The following SFI1 variants were observed in gnomAD, a reference collection of about 807,000 sequenced individuals.
SFI1 encodes protein SFI1 homolog.
In SFI1, 195 loss-of-function variants were observed where a neutral mutation model predicts 207.5. That is an observed-to-expected ratio of 0.94 (90% CI 0.84 to 1.06). The LOEUF is 1.06. SFI1 is among the 50% of genes least tolerant of loss of function. The pLI is 0.00. For synonymous variants in SFI1, 630 were observed against 598.9 expected (o/e 1.05, Z -0.76); for missense variants, 1,634 against 1,588.0 (o/e 1.03, Z -0.49).
At chr22:31,582,236 ATTTTTTTTTT>A (rs1161846940) in intron 12 of SFI1, among the ~76,000 whole-genome samples, 18 of 10,128 alleles carry the variant, frequency 1.8e-3, no homozygotes, top group African/African-American at 5.3e-3. Flanking sequence ...ATATATATAT[ATTTTTTTTTT>A]TTTTTTTTTT....
intron 5 of SFI1, among the ~76,000 whole-genome samples, chr22:31,549,816 T>C (rs559264544): frequency 6.6e-6 from 1 of 152,108 alleles, no homozygotes; most frequent in African/African-American, 2.4e-5. Flanking sequence ...ATTTTAGCTT[T>C]GGTGCAGATA....
At chr22:31,613,296 G>A in intron 25 of SFI1, 58 bp from the exon 26 acceptor site, 20 of 1,606,298 alleles carry the variant, frequency 1.2e-5, no homozygotes, top group Non-Finnish European at 1.6e-5. Flanking sequence ...AGGGCACCTG[G>A]TCTGTGGGGG....
chr22:31,607,849 C>A, intron 21 of SFI1, 88 bp from the exon 22 acceptor site: 1 of 1,191,944 alleles, frequency 8.4e-7, no homozygotes, highest in Non-Finnish European at 1.2e-6. Context: ...TTGGCCTTGC[C>A]TCTCCAGGAG....
chr22:31,584,058 T>C (rs2064699233), intron 13 of SFI1, 86 bp downstream of exon 13: 1 of 1,101,890 alleles, frequency 9.1e-7, no homozygotes, highest in African/African-American at 1.5e-5. Context: ...TGCCCTTCTA[T>C]GCGTTAGTGT....
intron 12 of SFI1, among the ~76,000 whole-genome samples, chr22:31,581,031 G>C (rs1272435319): frequency 6.6e-6 from 1 of 151,712 alleles, no homozygotes; most frequent in African/African-American, 2.4e-5. Context: ...TTAGAGGCAG[G>C]GTCTTGTTCT....
chr22:31,522,919 G>T (rs1211974575), intron 2 of SFI1, among the ~76,000 whole-genome samples: 1 of 152,180 alleles, frequency 6.6e-6, no homozygotes, highest in Non-Finnish European at 1.5e-5. Context: ...CTCCCAAAGT[G>T]CTGGGATTAC....
At chr22:31,605,496 C>T (rs1279139741) in intron 20 of SFI1, 2 of 152,784 alleles carry the variant, frequency 1.3e-5, no homozygotes, top group African/African-American at 4.8e-5. Flanking sequence ...CCTTTCATTT[C>T]CTTCCTTTGT....
At chr22:31,584,503 C>T (rs976025673) in intron 13 of SFI1, among the ~76,000 whole-genome samples, 3 of 152,152 alleles carry the variant, frequency 2.0e-5, no homozygotes, top group East Asian at 3.8e-4. Context: ...GGAAGCACTA[C>T]GTATAAACTT....
At chr22:31,534,160 T>C (rs894776311) in intron 4 of SFI1, among the ~76,000 whole-genome samples, 5 of 152,124 alleles carry the variant, frequency 3.3e-5, no homozygotes, top group Non-Finnish European at 7.4e-5. Context: ...GCTCTGTCGC[T>C]CAGGCTGCAG....
At chr22:31,576,751 G>A (rs9619209) in intron 10 of SFI1, among the ~76,000 whole-genome samples, 1,939 of 148,410 alleles carry the variant, frequency 0.013, 41 homozygotes, top group African/African-American at 0.044. Context: ...GCGATTCTCC[G>A]GCCTCAGCCC....
rs761442150 is a variant in SFI1 at position 31,585,121 on chromosome 22, GGCGGTACAA to G, written c.1403_1411del (p.Arg468_Lys470del). On this transcript the variant is annotated inframe_deletion, in exon 14 of 33. Coordinates refer to ENST00000400288, the MANE Select transcript of SFI1 (RefSeq NM_001007467.3). ...TTGTGGCTACAGTATACTCAGAAGAGGCGGTACAAGCAGGTATGGAGTACTTTTTAGCAG... is the reference window on the plus strand; with the variant it reads ...TTGTGGCTACAGTATACTCAGAAGAGGCAGGTATGGAGTACTTTTTAGCAG... The G allele has an allele frequency of 4.3e-6, 7 of 1,613,894 alleles. No homozygotes were observed. Among genetic ancestry groups the G allele is most frequent in the Non-Finnish European group, 5.9e-6 (7 of 1,179,928 alleles).
intron 11 of SFI1, among the ~76,000 whole-genome samples, chr22:31,579,566 CG>C (rs1176683292): frequency 6.6e-6 from 1 of 152,176 alleles, no homozygotes; most frequent in Non-Finnish European, 1.5e-5. Context: ...CCGCCCGCCT[CG>C]GCCTCCCAAA....
intron 6 of SFI1, 52 bp downstream of exon 6, chr22:31,550,400 A>G (rs1569284759): frequency 2.1e-6 from 3 of 1,428,190 alleles, no homozygotes; most frequent in Non-Finnish European, 2.0e-6. Flanking sequence ...TACTTTGCAG[A>G]AGGTCATAGG....
chr22:31,615,120 G>C lies in SFI1; in HGVS notation c.3141G>C (p.Leu1047=), dbSNP rs1211163117. Reference sequence around the variant, plus strand: ...CCCCCTCCCTGACGCGGCCCTTCCTGGCAGAGGCCCCGACAGCACTGGTCC... The same window carrying C: ...CCCCCTCCCTGACGCGGCCCTTCCTCGCAGAGGCCCCGACAGCACTGGTCC... ...PAAPSLTRPF[L]AEAPTALVPH... The change falls in exon 29 of 33, where the codon CTG becomes CTC. Residue 1047 remains leucine (L), a synonymous_variant. Coordinates refer to ENST00000400288, the MANE Select transcript of SFI1 (RefSeq NM_001007467.3). 1.2e-6 allele frequency: 2 copies of C among 1,608,386 alleles called. No individual in the cohort carries two copies. The highest frequency in any genetic ancestry group is 1.7e-6 in the Non-Finnish European group (2 of 1,177,752).
intron 4 of SFI1, 30 bp downstream of exon 4, chr22:31,531,159 G>T (rs749873645): frequency 7.7e-6 from 12 of 1,557,252 alleles, no homozygotes; most frequent in Non-Finnish European, 1.1e-5. Flanking sequence ...ACATAATTGT[G>T]TTGAGTTCAT....
At chr22:31,549,526 G>A (rs1453213102) in intron 5 of SFI1, among the ~76,000 whole-genome samples, 1 of 151,544 alleles carries the variant, frequency 6.6e-6, no homozygotes, top group Non-Finnish European at 1.5e-5. Context: ...TACTACGAGT[G>A]GCTAATTTTT....
intron 5 of SFI1, 151 bp downstream of exon 5, chr22:31,547,122 A>G (rs2060163638): frequency 3.5e-6 from 2 of 573,134 alleles, no homozygotes; most frequent in Non-Finnish European, 3.1e-6. Context: ...CAGAGTTCCA[A>G]ATTAAACCCA....
At chr22:31,592,410 A>T (rs1373247991) in intron 15 of SFI1, among the ~76,000 whole-genome samples, 1 of 29,842 alleles carries the variant, frequency 3.4e-5, no homozygotes, top group Non-Finnish European at 6.0e-5. Context: ...CAGGGGGCTG[A>T]CCCCCCCACC....
chr22:31,613,347 C>T lies in SFI1; in HGVS notation c.2566-7C>T, dbSNP rs774282796. 3.1e-6 allele frequency: 5 copies of T among 1,606,042 alleles called. No homozygotes were observed. Among genetic ancestry groups the T allele is most frequent in the Non-Finnish European group, 4.3e-6 (5 of 1,175,162 alleles). On this transcript the variant is annotated splice_region_variant and splice_polypyrimidine_tract_variant and intron_variant, in intron 25 of 32. Coordinates refer to ENST00000400288, the MANE Select transcript of SFI1 (RefSeq NM_001007467.3). ...GACCTGGGCCTCACCTCCTGCCCTC[C>T]CTGGAGGTGTGGGCCACGTGGCTGG... is the stretch of plus-strand genomic sequence containing the variant.
Sources: gnomAD v4.1 joint callset for allele counts (sites outside exome capture counted in the v4.1 genomes callset) on GRCh38, gnomAD v4.1.1 for gene constraint, MANE v1.5 for transcripts, NCBI Gene and HGNC (gene_info 2026-07-23, HGNC 2026-07-21) for gene names.